The following ATOSA variants were observed in gnomAD, a reference collection of about 807,000 sequenced individuals.
ATOSA encodes the protein atos homolog A.
chr15:52,584,882 A>T, the ATOSA span: 2 of 1,613,384 alleles, frequency 1.2e-6, no homozygotes, highest in South Asian at 2.2e-5. Flanking sequence ...TGGCTGGCAT[A>T]TCTCGTAAAT....
At chr15:52,606,554 A>G in the ATOSA span, among the ~76,000 whole-genome samples, 3 of 152,166 alleles carry the variant, frequency 2.0e-5, no homozygotes, top group Non-Finnish European at 2.9e-5. Context: ...CAGAAGGGGC[A>G]CACAGTAAAT....
At chr15:52,684,798 G>A in the ATOSA span, among the ~76,000 whole-genome samples, 1 of 152,122 alleles carries the variant, frequency 6.6e-6, no homozygotes, top group Non-Finnish European at 1.5e-5. Flanking sequence ...GTACAGTGGT[G>A]TGATCCTAAC....
At chr15:52,679,174 C>CGCTCCGCTCCCTGCGCTCA in the ATOSA span, 1 of 153,336 alleles carries the variant, frequency 6.5e-6, no homozygotes, top group Non-Finnish European at 1.4e-5. Context: ...GCCACCGCCT[C>CGCTCCGCTCCCTGCGCTCA]GCTCCGCTCC....
At chr15:52,624,565 AAAAGG>A in the ATOSA span, among the ~76,000 whole-genome samples, 4 of 152,214 alleles carry the variant, frequency 2.6e-5, no homozygotes, top group African/African-American at 9.6e-5. Context: ...GTGACCATGA[AAAAGG>A]AAAGGACAGA....
At chr15:52,607,497 A>AAGGAGCCTGGATT in the ATOSA span, among the ~76,000 whole-genome samples, 1 of 152,170 alleles carries the variant, frequency 6.6e-6, no homozygotes, top group Admixed American at 6.5e-5. Flanking sequence ...AGGTAGTAGA[A>AAGGAGCCTGGATT]AGGAGCCTGG....
At chr15:52,589,323 A>T in the ATOSA span, among the ~76,000 whole-genome samples, 1 of 152,182 alleles carries the variant, frequency 6.6e-6, no homozygotes, top group African/African-American at 2.4e-5. Flanking sequence ...TTTTCTTCCT[A>T]GTTTCAGAAA....
chr15:52,615,768 T>A, the ATOSA span, among the ~76,000 whole-genome samples: 1 of 152,170 alleles, frequency 6.6e-6, no homozygotes, highest in African/African-American at 2.4e-5. Flanking sequence ...AAGTGACCAT[T>A]TGGAACATAT....
the ATOSA span, among the ~76,000 whole-genome samples, chr15:52,640,645 TAAAA>T: frequency 6.8e-6 from 1 of 147,336 alleles, no homozygotes; most frequent in East Asian, 2.1e-4. Context: ...TACGTACATT[TAAAA>T]TAAACTAAAT....
chr15:52,592,174 T>TA, the ATOSA span, among the ~76,000 whole-genome samples: 1 of 152,324 alleles, frequency 6.6e-6, no homozygotes, highest in Non-Finnish European at 1.5e-5. Context: ...AAGTCATTGT[T>TA]ACTAATGTCC....
At chr15:52,587,745 A>G in the ATOSA span, 5 of 152,442 alleles carry the variant, frequency 3.3e-5, no homozygotes, top group African/African-American at 1.2e-4. Context: ...GCCTGGTACT[A>G]CTTTATGGGA....
At chr15:52,616,730 G>A in the ATOSA span, among the ~76,000 whole-genome samples, 2 of 152,166 alleles carry the variant, frequency 1.3e-5, no homozygotes, top group Non-Finnish European at 2.9e-5. Flanking sequence ...GACTTAAACT[G>A]AGGCAATGTA....
the ATOSA span, among the ~76,000 whole-genome samples, chr15:52,622,441 C>T: frequency 4.6e-5 from 7 of 152,138 alleles, no homozygotes; most frequent in Non-Finnish European, 1.0e-4. Flanking sequence ...ACTATGTAGA[C>T]TTCATTTATT....
At chr15:52,609,608 A>C in the ATOSA span, 1 of 1,612,700 alleles carries the variant, frequency 6.2e-7, no homozygotes, top group Non-Finnish European at 8.5e-7. Context: ...TCTTCTGGGG[A>C]ACTAAACTCT....
the ATOSA span, chr15:52,613,694 T>C: frequency 6.2e-7 from 1 of 1,613,902 alleles, no homozygotes; most frequent in Non-Finnish European, 8.5e-7. Flanking sequence ...TGTCACTACA[T>C]TCATGTTTGG....
At chr15:52,600,257 A>G in the ATOSA span, 2 of 1,433,262 alleles carry the variant, frequency 1.4e-6, no homozygotes, top group East Asian at 2.3e-5. Flanking sequence ...ACAAATCAGC[A>G]AAAGAACACA....
the ATOSA span, among the ~76,000 whole-genome samples, chr15:52,666,510 G>A: frequency 6.6e-6 from 1 of 152,126 alleles, no homozygotes; most frequent in African/African-American, 2.4e-5. Context: ...CAATAACCTT[G>A]TGAAGTGGGC....
At chr15:52,600,810 C>A in the ATOSA span, among the ~76,000 whole-genome samples, 1 of 148,684 alleles carries the variant, frequency 6.7e-6, no homozygotes. Flanking sequence ...TTTTTTCCGT[C>A]AAAGAGTAAA....
chr15:52,605,012 T>C, the ATOSA span: 11 of 678,070 alleles, frequency 1.6e-5, no homozygotes, highest in Non-Finnish European at 2.4e-5. Flanking sequence ...AAATAAAATG[T>C]TTCCTTACTG....
At chr15:52,659,044 A>G in the ATOSA span, among the ~76,000 whole-genome samples, 1 of 152,152 alleles carries the variant, frequency 6.6e-6, no homozygotes, top group Non-Finnish European at 1.5e-5. Context: ...TGTACGGGCC[A>G]TCTGATACTC....
Sources: gnomAD v4.1 joint callset for allele counts (sites outside exome capture counted in the v4.1 genomes callset) on GRCh38, gnomAD v4.1.1 for gene constraint, MANE v1.5 for transcripts, NCBI Gene and HGNC (gene_info 2026-07-23, HGNC 2026-07-21) for gene names.